CD82: variants seen among roughly 807,000 people sequenced by gnomAD.
CD82 encodes the protein CD82 antigen.
A neutral mutation model predicts 37.4 loss-of-function variants in CD82; 36 were observed. The observed-to-expected ratio is 0.96, with a 90% confidence interval of 0.74 to 1.27. CD82 has a LOEUF of 1.27. CD82 is among the 50% of genes most tolerant of loss of function. The pLI is 0.00. For synonymous variants in CD82, 158 were observed against 137.4 expected (o/e 1.15, Z -1.05); for missense variants, 340 against 347.0 (o/e 0.98, Z 0.16).
chr11:44,595,277 C>T (rs1853206183), intron 3 of CD82, among the ~76,000 whole-genome samples: 1 of 152,116 alleles, frequency 6.6e-6, no homozygotes, highest in African/African-American at 2.4e-5. Context: ...GATGGGCCAT[C>T]CGGATGTCAG....
chr11:44,571,986 G>A (rs986169352), intron 1 of CD82, among the ~76,000 whole-genome samples: 1 of 152,192 alleles, frequency 6.6e-6, no homozygotes, highest in Admixed American at 6.5e-5. Flanking sequence ...TGTTATCTTG[G>A]GTAAGTTATA....
chr11:44,615,404 C>G (rs181312495), intron 7 of CD82, 31 bp downstream of exon 7: 20 of 1,382,928 alleles, frequency 1.4e-5, no homozygotes, highest in Admixed American at 1.3e-4. Flanking sequence ...AGGAGGCTCT[C>G]TGGCCTGGGT....
At chr11:44,591,833 A>AT (rs11463936) in intron 2 of CD82, among the ~76,000 whole-genome samples, 126,450 of 151,538 alleles carry the variant, frequency 0.83, 53,012 homozygotes, top group East Asian at 0.94. Context: ...TTTTGTTTTT[A>AT]TTTTTTTTGA....
chr11:44,606,198 T>C (rs1159949167), intron 6 of CD82: 1 of 152,324 alleles, frequency 6.6e-6, no homozygotes, highest in Non-Finnish European at 1.5e-5. Context: ...GACATGGCCA[T>C]CCCTTTTATC....
At chr11:44,602,067 G>T (rs1853316206) in intron 4 of CD82, among the ~76,000 whole-genome samples, 1 of 152,200 alleles carries the variant, frequency 6.6e-6, no homozygotes, top group African/African-American at 2.4e-5. Context: ...GCACAGAGAG[G>T]TGTAGTAACT....
chr11:44,588,869 A>G (rs1025416446), intron 2 of CD82, among the ~76,000 whole-genome samples: 5 of 152,274 alleles, frequency 3.3e-5, no homozygotes, highest in African/African-American at 1.2e-4. Context: ...TAATTTTATT[A>G]TACAAACTGA....
intron 3 of CD82, among the ~76,000 whole-genome samples, chr11:44,599,302 T>C (rs370488309): frequency 3.9e-5 from 6 of 152,130 alleles, no homozygotes; most frequent in African/African-American, 1.4e-4. Flanking sequence ...CACCACCACA[T>C]TGGCTAATTT....
At chr11:44,567,416 AAG>A (rs1182603925) in intron 1 of CD82, among the ~76,000 whole-genome samples, 1 of 151,590 alleles carries the variant, frequency 6.6e-6, no homozygotes, top group African/African-American at 2.4e-5. Flanking sequence ...AGGTGTTCAG[AAG>A]AGTGAGACAC....
At chr11:44,618,556 G>A in intron 8 of CD82, 84 bp from the exon 9 acceptor site, 3 of 1,244,700 alleles carry the variant, frequency 2.4e-6, no homozygotes, top group African/African-American at 1.5e-5. Context: ...CTTCCGGGCT[G>A]GGACTGGGGG....
intron 2 of CD82, among the ~76,000 whole-genome samples, chr11:44,591,932 G>C (rs1478490884): frequency 6.6e-6 from 1 of 152,076 alleles, no homozygotes; most frequent in African/African-American, 2.4e-5. Context: ...CGATTCTTGT[G>C]CCTCAGCCTC....
In CD82 at chr11:44,620,101, A is replaced by G. The variant is rs111689312; in HGVS notation, c.*975A>G. Reference sequence around the variant, plus strand: ...TGGCTTGGCCCTGAGCTGCTTAGGGACAGGTGAGTCCTTGGGGGCATGGCA... The same window carrying G: ...TGGCTTGGCCCTGAGCTGCTTAGGGGCAGGTGAGTCCTTGGGGGCATGGCA... On this transcript the variant is annotated 3_prime_UTR_variant, in exon 10 of 10. Transcript: ENST00000227155. 2,515 of 152,584 alleles carry G rather than the reference A, an allele frequency of 0.016. 25 individuals carry two copies. The highest frequency in any genetic ancestry group is 0.027 in the Non-Finnish European group (1,844 of 68,440). The allele number at this position is 152,584 out of a possible 1,614,324, so 9.5% of individuals were successfully genotyped here. A position where few individuals can be genotyped will look rare whatever the true frequency, so the allele number is the denominator to read the frequency against.
At chr11:44,618,852 C>G in intron 9 of CD82, 129 bp downstream of exon 9, 2 of 865,282 alleles carry the variant, frequency 2.3e-6, no homozygotes, top group Non-Finnish European at 3.7e-6. Context: ...GCCCTCTGGT[C>G]TGAGCACTGT....
Position 44,583,633 on chromosome 11 carries a change from C to T in CD82, c.-102-3842C>T, listed in dbSNP as rs566235356. Reference sequence around the variant, plus strand: ...CAGGTGAAGATGAAAGAGCTTTCAGCTCTCTAAAATCAGATCTGAATTTTA... The same window carrying T: ...CAGGTGAAGATGAAAGAGCTTTCAGTTCTCTAAAATCAGATCTGAATTTTA... On this transcript the variant is annotated intron_variant, in intron 1 of 9. Transcript: ENST00000227155. 8.5e-5 allele frequency among the ~76,000 whole-genome samples: 13 copies of T among 152,328 alleles called. No individual in the cohort carries two copies. The South Asian group carries it at 1.2e-3, about 15-fold the overall frequency.
chr11:44,601,215 G>A (rs1244722721), intron 4 of CD82, among the ~76,000 whole-genome samples: 8 of 152,136 alleles, frequency 5.3e-5, no homozygotes. Context: ...TTGGAATGTG[G>A]CCCATGACAG....
At chr11:44,575,407 GA>G (rs1852877049) in intron 1 of CD82, among the ~76,000 whole-genome samples, 1 of 152,216 alleles carries the variant, frequency 6.6e-6, no homozygotes, top group Admixed American at 6.5e-5. Context: ...GTCAGTGGGG[GA>G]AAGTTTCTCC....
Position 44,597,539 on chromosome 11 carries a change from C to A in CD82, c.64-2619C>A, listed in dbSNP as rs578227909. The stretch of plus-strand genomic sequence containing the variant: ...CATCAGGCTGGGGTCATCAGACCTA[C>A]AGAGGGACTGAATGGGTAGCCCCGG... On this transcript the variant is annotated intron_variant, in intron 3 of 9. Coordinates refer to ENST00000227155, the MANE Select transcript of CD82 (RefSeq NM_002231.4). This position sits in a 1 kb window ranked among gnomAD's most constrained non-coding sequence, Gnocchi z 4.1. Among the ~76,000 whole-genome samples, 1 of 152,392 alleles carries A rather than the reference C, an allele frequency of 6.6e-6. No individual in the cohort carries two copies. Among genetic ancestry groups the A allele is most frequent in the African/African-American group, 2.4e-5 (1 of 41,592 alleles).
rs895967891 is a variant in CD82, at chr11:44,597,080, C to A, written c.63+2355C>A. The A allele has an allele frequency of 2.2e-6, 1 of 452,900 alleles. No individual in the cohort carries two copies. The highest frequency in any genetic ancestry group is 2.0e-5 in the African/African-American group (1 of 49,918). The allele number at this position is 452,900 out of a possible 1,614,324, so 28.1% of individuals were successfully genotyped here. A position where few individuals can be genotyped will look rare whatever the true frequency, so the allele number is the denominator to read the frequency against. ...CCTCCCCAGGCATAGACCCGGCCAGCCTGCCTCTTTGTTTTATGCACATTG... is the reference window on the plus strand; with the variant it reads ...CCTCCCCAGGCATAGACCCGGCCAGACTGCCTCTTTGTTTTATGCACATTG... On this transcript the variant is annotated intron_variant, in intron 3 of 9. Coordinates refer to ENST00000227155, the MANE Select transcript of CD82 (RefSeq NM_002231.4). The surrounding 1 kb of genome is among the most constrained non-coding windows in gnomAD (Gnocchi z 4.1).
chr11:44,568,290 A>T (rs1440603930), intron 1 of CD82, among the ~76,000 whole-genome samples: 1 of 152,090 alleles, frequency 6.6e-6, no homozygotes, highest in Non-Finnish European at 1.5e-5. Flanking sequence ...AGCCACAGGG[A>T]GAGCAAAGGC....
intron 3 of CD82, among the ~76,000 whole-genome samples, chr11:44,599,550 C>T (rs1285146217): frequency 1.3e-5 from 2 of 152,264 alleles, no homozygotes; most frequent in African/African-American, 4.8e-5. Flanking sequence ...TGCAGAGCTG[C>T]CTCCAGCCAG....
Sources: gnomAD v4.1 joint callset for allele counts (sites outside exome capture counted in the v4.1 genomes callset) on GRCh38, gnomAD v4.1.1 for gene constraint, Gnocchi (gnomAD v3.1) non-coding constraint, MANE v1.5 for transcripts, NCBI Gene and HGNC (gene_info 2026-07-23, HGNC 2026-07-21) for gene names.